ATP2B2: variants seen among roughly 807,000 people sequenced by gnomAD.
The protein encoded by ATP2B2 is plasma membrane calcium-transporting ATPase 2.
In ATP2B2, 15 loss-of-function variants were observed where a neutral mutation model predicts 120.0. The ratio of observed to expected loss-of-function variants is 0.12; its 90% CI spans 0.08 to 0.19. The LOEUF (loss-of-function observed/expected upper bound fraction) is 0.19. Among genes scored for constraint, ATP2B2 ranks in the 10% least tolerant of loss-of-function variants. ATP2B2 has a pLI of 1.00. For synonymous variants in ATP2B2, 694 were observed against 700.3 expected (o/e 0.99, Z 0.14); for missense variants, 1,045 against 1,719.8 (o/e 0.61, Z 6.94).
chr3:10,409,956 C>T (rs1231407377), intron 3 of ATP2B2, among the ~76,000 whole-genome samples: 1 of 152,118 alleles, frequency 6.6e-6, no homozygotes, highest in Non-Finnish European at 1.5e-5. Context: ...ATGTCAGGGT[C>T]GCCCTCACCT....
chr3:10,361,369 C>A (rs2060894691), intron 12 of ATP2B2, among the ~76,000 whole-genome samples: 1 of 152,176 alleles, frequency 6.6e-6, no homozygotes. Flanking sequence ...ATGTTTATGG[C>A]TCTAGTGTGT....
At chr3:10,476,793 G>C (rs1295809666) in intron 1 of ATP2B2, among the ~76,000 whole-genome samples, 1 of 152,236 alleles carries the variant, frequency 6.6e-6, no homozygotes, top group African/African-American at 2.4e-5. Flanking sequence ...CTGAGGAAGG[G>C]GGTGAAGGTA....
intron 2 of ATP2B2, among the ~76,000 whole-genome samples, chr3:10,569,221 GCTC>G (rs972261700): frequency 6.6e-6 from 1 of 152,122 alleles, no homozygotes; most frequent in African/African-American, 2.4e-5. Context: ...AAAAACAATC[GCTC>G]CTCTTTATTG....
intron 2 of ATP2B2, among the ~76,000 whole-genome samples, chr3:10,556,039 C>T (rs1026159805): frequency 1.1e-4 from 16 of 152,326 alleles, no homozygotes; most frequent in Admixed American, 9.1e-4. Flanking sequence ...GCTGGGATTA[C>T]AGGCACCCAC....
chr3:10,535,105 G>A (rs143909502), intron 2 of ATP2B2, among the ~76,000 whole-genome samples: 11 of 151,880 alleles, frequency 7.2e-5, no homozygotes, highest in Admixed American at 2.0e-4. Flanking sequence ...GGGTTTCACC[G>A]TGTTGCCAGG....
chr3:10,516,470 C>T lies in ATP2B2; in HGVS notation c.-320+17569G>A, dbSNP rs149442363. Among the ~76,000 whole-genome samples, 461 of 152,320 alleles carry T rather than the reference C, an allele frequency of 3.0e-3. 3 individuals are homozygous for T. The highest frequency in any genetic ancestry group is 0.011 in the African/African-American group (444 of 41,576). ...TCTCTTGTTGCTGACCCCAAAGGCA[C>T]TTCCCAAACAGCCACTCCCTCTTAG... On this transcript the variant is annotated intron_variant, in intron 3 of 21. Coordinates refer to the ATP2B2 transcript ENST00000646379.
chr3:10,612,070 C>A (rs2069254539), intron 2 of ATP2B2, among the ~76,000 whole-genome samples: 1 of 152,210 alleles, frequency 6.6e-6, no homozygotes, highest in African/African-American at 2.4e-5. Context: ...TCCAACCACA[C>A]TCTGAGCTTC....
intron 1 of ATP2B2, among the ~76,000 whole-genome samples, chr3:10,460,221 C>G (rs1264870864): frequency 6.6e-6 from 1 of 152,232 alleles, no homozygotes; most frequent in Non-Finnish European, 1.5e-5. Flanking sequence ...AGCAGGTTGA[C>G]TAACCTAGGC....
At chr3:10,626,569 AT>A (rs2125632074) in intron 1 of ATP2B2, 1 of 75,522 alleles carries the variant, frequency 1.3e-5, no homozygotes, top group South Asian at 4.9e-4. Context: ...AAGGGGATGG[AT>A]GGATGGATGG....
At chr3:10,672,240 G>C (rs1466085684) in intron 1 of ATP2B2, among the ~76,000 whole-genome samples, 1 of 152,166 alleles carries the variant, frequency 6.6e-6, no homozygotes, top group Non-Finnish European at 1.5e-5. Flanking sequence ...CCAACCTCCT[G>C]GCGCTCCAGC....
chr3:10,427,227 G>A (rs1039179531), intron 2 of ATP2B2, among the ~76,000 whole-genome samples: 8 of 152,176 alleles, frequency 5.3e-5, no homozygotes, highest in African/African-American at 1.7e-4. Flanking sequence ...GATTATCTAC[G>A]TCTCCAACTC....
In ATP2B2 at chr3:10,572,678, C is replaced by A. The variant is rs111363477; in HGVS notation, c.-414-38545G>T. On this transcript the variant is annotated intron_variant, in intron 2 of 21. Coordinates refer to the ATP2B2 transcript ENST00000646379. ...GATGAACAGTTCTGGAATGATGGTG[C>A]CTGCCCCCACTGCTCACTTCCTCCA... Among the ~76,000 whole-genome samples the A allele has an allele frequency of 4.6e-3, 693 of 152,260 alleles. 8 individuals carry two copies. The highest frequency in any genetic ancestry group is 0.015 in the African/African-American group (608 of 41,546).
At chr3:10,554,410 G>T (rs118111888) in intron 2 of ATP2B2, among the ~76,000 whole-genome samples, 4 of 152,112 alleles carry the variant, frequency 2.6e-5, no homozygotes, top group Admixed American at 2.6e-4. Flanking sequence ...GTGTCTCACC[G>T]CTGACTTTAA....
intron 8 of ATP2B2, 52 bp downstream of exon 8, chr3:10,385,216 G>A (rs373488818): frequency 2.5e-6 from 4 of 1,568,908 alleles, no homozygotes; most frequent in Non-Finnish European, 3.5e-6. Flanking sequence ...TTGGGGTGGG[G>A]GTGAGAGACG....
chr3:10,537,813 G>C (rs890030931), intron 2 of ATP2B2, among the ~76,000 whole-genome samples: 1 of 152,152 alleles, frequency 6.6e-6, no homozygotes, highest in Non-Finnish European at 1.5e-5. Context: ...CTTTATCAAG[G>C]TGAGGAAGTT....
intron 1 of ATP2B2, among the ~76,000 whole-genome samples, chr3:10,499,377 G>T (rs1184154841): frequency 6.6e-6 from 1 of 152,172 alleles, no homozygotes; most frequent in East Asian, 1.9e-4. Context: ...GTTTACGGAG[G>T]AGCAAACTGA....
intron 1 of ATP2B2, among the ~76,000 whole-genome samples, chr3:10,683,529 T>C (rs2071432369): frequency 6.6e-6 from 1 of 151,572 alleles, no homozygotes; most frequent in South Asian, 2.1e-4. Context: ...GACAAAGCAG[T>C]CCCCAAGAGA....
intron 2 of ATP2B2, among the ~76,000 whole-genome samples, chr3:10,581,966 G>A (rs760364612): frequency 3.9e-5 from 6 of 152,164 alleles, no homozygotes; most frequent in South Asian, 2.1e-4. Flanking sequence ...CAACTTTTTC[G>A]CCCCAAATGA....
intron 2 of ATP2B2, among the ~76,000 whole-genome samples, chr3:10,536,313 T>C (rs1262161538): frequency 6.6e-6 from 1 of 151,312 alleles, no homozygotes; most frequent in Non-Finnish European, 1.5e-5. Context: ...TAGCTTAGCT[T>C]TTTATCCTTG....
Sources: gnomAD v4.1 joint callset for allele counts (sites outside exome capture counted in the v4.1 genomes callset) on GRCh38, gnomAD v4.1.1 for gene constraint, MANE v1.5 for transcripts, NCBI Gene and HGNC (gene_info 2026-07-23, HGNC 2026-07-21) for gene names.